DNAH11: variants seen among roughly 807,000 people sequenced by gnomAD.
DNAH11 encodes the protein axonemal beta dynein heavy chain 11.
A neutral mutation model predicts 526.0 loss-of-function variants in DNAH11; 442 were observed. The ratio of observed to expected loss-of-function variants is 0.84; its 90% CI spans 0.78 to 0.91. The LOEUF is 0.91. Ranked by LOEUF, DNAH11 falls within the 40% of genes least tolerant of loss-of-function variation. DNAH11 has a pLI of 0.00. For missense variants in DNAH11, 6,989 were observed against 5,448.7 expected (o/e 1.28, Z -8.90); for synonymous variants, 2,461 against 1,935.9 (o/e 1.27, Z -7.12).
chr7:21,571,319 C>G (rs996541793), intron 7 of DNAH11, among the ~76,000 whole-genome samples: 2 of 152,148 alleles, frequency 1.3e-5, no homozygotes, highest in Admixed American at 6.5e-5. Flanking sequence ...CTCATTCTGT[C>G]ACCCCGGCTG....
At chr7:21,860,940 T>G (rs755780580) in intron 68 of DNAH11, among the ~76,000 whole-genome samples, 6 of 151,846 alleles carry the variant, frequency 4.0e-5, no homozygotes, top group Non-Finnish European at 7.4e-5. Flanking sequence ...CTCATGAGAG[T>G]TATTCACTAC....
chr7:21,753,734 AT>A (rs1450560316), intron 54 of DNAH11, among the ~76,000 whole-genome samples: 1 of 152,122 alleles, frequency 6.6e-6, no homozygotes, highest in Non-Finnish European at 1.5e-5. Context: ...AAGCTTTATC[AT>A]TTATTTTCAT....
intron 66 of DNAH11, among the ~76,000 whole-genome samples, chr7:21,844,082 A>C (rs985827510): frequency 5.9e-5 from 9 of 152,186 alleles, no homozygotes; most frequent in African/African-American, 2.2e-4. Flanking sequence ...TTCCATGCCT[A>C]ATTTGGCCTG....
intron 61 of DNAH11, among the ~76,000 whole-genome samples, chr7:21,793,343 C>T (rs1290136988): frequency 6.6e-6 from 1 of 152,146 alleles, no homozygotes; most frequent in Non-Finnish European, 1.5e-5. Context: ...TCAGGCTGGG[C>T]GTGGTGGCTC....
chr7:21,656,745 A>T (rs1220239915), intron 29 of DNAH11, among the ~76,000 whole-genome samples: 1 of 152,166 alleles, frequency 6.6e-6, no homozygotes, highest in Non-Finnish European at 1.5e-5. Context: ...TTGCAGAAAG[A>T]TGAGTGGCAA....
At chr7:21,608,678 T>C (rs1044054998) in intron 20 of DNAH11, among the ~76,000 whole-genome samples, 28 of 152,228 alleles carry the variant, frequency 1.8e-4, no homozygotes, top group African/African-American at 6.8e-4. Context: ...TTAAAGATTA[T>C]GTCTAAATTG....
chr7:21,557,165 C>A (rs1783253215), intron 2 of DNAH11, among the ~76,000 whole-genome samples: 1 of 152,132 alleles, frequency 6.6e-6, no homozygotes, highest in Non-Finnish European at 1.5e-5. Flanking sequence ...TCTTCACAAA[C>A]TACCCGTGCC....
chr7:21,895,472 T>G (rs2128049350), intron 79 of DNAH11, among the ~76,000 whole-genome samples: 1 of 152,302 alleles, frequency 6.6e-6, no homozygotes, highest in African/African-American at 2.4e-5. Flanking sequence ...ACTGGGGGTA[T>G]AACTGCAGAG....
chr7:21,894,638 G>A lies in DNAH11; in HGVS notation c.12766G>A (p.Asp4256Asn), dbSNP rs753669289. The A allele has an allele frequency of 5.0e-6, 8 of 1,613,404 alleles. No individual in the cohort carries two copies. In the African/African-American group the frequency reaches 9.3e-5, roughly 19 times the overall value. ...STEEKVKNVLDDILEKLPEEF... is the reference protein window; with the variant it reads ...STEEKVKNVLNDILEKLPEEF... ...CTGATTTAAGGTTAAGAATGTCTTG[G>A]ATGACATTTTGGAGAAACTTCCAGA... The change falls in exon 78 of 82, where the codon GAT becomes AAT. Residue 4256 changes from aspartate (D) to asparagine (N), a missense_variant. Transcript: ENST00000409508.
At chr7:21,752,590 T>A (rs1455334549) in intron 54 of DNAH11, among the ~76,000 whole-genome samples, 1 of 152,228 alleles carries the variant, frequency 6.6e-6, no homozygotes, top group African/African-American at 2.4e-5. Flanking sequence ...AACTTTCCAA[T>A]TTTTTAAAGG....
At chr7:21,763,978 G>T (rs1362022100) in intron 54 of DNAH11, among the ~76,000 whole-genome samples, 1 of 151,950 alleles carries the variant, frequency 6.6e-6, no homozygotes, top group Non-Finnish European at 1.5e-5. Context: ...GCGCAGTATT[G>T]AGAGTAGTCA....
At chr7:21,606,615 C>CTTTTTTTT in intron 19 of DNAH11, 32 bp from the exon 20 acceptor site, 17 of 1,195,008 alleles carry the variant, frequency 1.4e-5, no homozygotes, top group South Asian at 3.1e-5. Context: ...TTGAAATTCA[C>CTTTTTTTT]TTTTTTTTTT....
At chr7:21,622,153 C>G (rs1786092499) in intron 25 of DNAH11, among the ~76,000 whole-genome samples, 1 of 152,140 alleles carries the variant, frequency 6.6e-6, no homozygotes, top group African/African-American at 2.4e-5. Context: ...ACAAAAATCA[C>G]AAGCATTCTT....
At chr7:21,883,906 A>C (rs1445186745) in intron 75 of DNAH11, among the ~76,000 whole-genome samples, 1 of 152,154 alleles carries the variant, frequency 6.6e-6, no homozygotes, top group Non-Finnish European at 1.5e-5. Flanking sequence ...AGCGAGATGT[A>C]GTGTCCTGTG....
At chr7:21,770,198 G>C (rs140217013) in intron 55 of DNAH11, among the ~76,000 whole-genome samples, 70 of 152,126 alleles carry the variant, frequency 4.6e-4, no homozygotes, top group Middle Eastern at 3.4e-3. Flanking sequence ...GAAATATTTT[G>C]GGTTTCAGAT....
chr7:21,808,121 T>A, intron 63 of DNAH11, 72 bp downstream of exon 63: 1 of 1,248,378 alleles, frequency 8.0e-7, no homozygotes, highest in Non-Finnish European at 1.0e-6. Context: ...AACCCACATA[T>A]ATGCCAGGCG....
intron 66 of DNAH11, among the ~76,000 whole-genome samples, chr7:21,846,439 C>A (rs557685727): frequency 4.6e-5 from 7 of 152,220 alleles, no homozygotes; most frequent in Admixed American, 3.3e-4. Context: ...CATTAAATTA[C>A]TGTTAAATTT....
At chr7:21,643,177 A>AT (rs1335503729) in intron 28 of DNAH11, among the ~76,000 whole-genome samples, 3 of 152,052 alleles carry the variant, frequency 2.0e-5, no homozygotes, top group Non-Finnish European at 4.4e-5. Context: ...ATTCTTTGGT[A>AT]TTTTTTTCCC....
At chr7:21,638,457 A>G (rs749872155) in intron 27 of DNAH11, among the ~76,000 whole-genome samples, 7 of 152,162 alleles carry the variant, frequency 4.6e-5, no homozygotes, top group Non-Finnish European at 8.8e-5. Context: ...AGTGGAACCA[A>G]TTCTGGATCT....
Sources: gnomAD v4.1 joint callset for allele counts (sites outside exome capture counted in the v4.1 genomes callset) on GRCh38, gnomAD v4.1.1 for gene constraint, MANE v1.5 for transcripts, NCBI Gene and HGNC (gene_info 2026-07-23, HGNC 2026-07-21) for gene names.